The following GHR variants were observed in gnomAD, a reference collection of about 807,000 sequenced individuals.
GHR encodes growth hormone receptor, also known as GH receptor.
Under a neutral mutation model 67.1 loss-of-function variants are expected in GHR, and 35 were observed. The observed-to-expected ratio is 0.52, with a 90% CI of 0.40 to 0.69. GHR has a LOEUF of 0.69. Ranked by LOEUF, GHR falls within the 30% of genes least tolerant of loss-of-function variation. The probability of loss-of-function intolerance (pLI) is 0.00; values close to 1 mark genes in which losing one functional copy is unlikely to be tolerated. For missense variants in GHR, 792 were observed against 764.6 expected, an observed-to-expected ratio of 1.04 and a Z score of -0.42; for synonymous variants, 272 against 269.1, an observed-to-expected ratio of 1.01 and a Z score of -0.10.
intron 2 of GHR, among the ~76,000 whole-genome samples, chr5:42,626,536 C>A (rs906680584): frequency 6.6e-6 from 1 of 152,148 alleles, no homozygotes; most frequent in African/African-American, 2.4e-5. Flanking sequence ...AAGACATTGG[C>A]CACTGGTGAT....
chr5:42,634,498 T>G (rs1349115755), intron 3 of GHR, among the ~76,000 whole-genome samples: 1 of 150,084 alleles, frequency 6.7e-6, no homozygotes, highest in Admixed American at 6.6e-5. Flanking sequence ...TGCTGAGTAT[T>G]TCACGGATGG....
intron 8 of GHR, among the ~76,000 whole-genome samples, chr5:42,715,639 C>T (rs1374017885): frequency 6.6e-6 from 1 of 152,106 alleles, no homozygotes; most frequent in Non-Finnish European, 1.5e-5. Context: ...ATAGAATTTC[C>T]AAACCAGTAG....
chr5:42,579,620 G>A lies in GHR; in HGVS notation c.70+13676G>A, dbSNP rs137856878. Among the ~76,000 whole-genome samples, 307 of 152,314 alleles carry A rather than the reference G, an allele frequency of 2.0e-3. 2 individuals carry two copies. The highest frequency in any genetic ancestry group is 2.7e-3 in the Non-Finnish European group (182 of 68,016). On this transcript the variant is annotated intron_variant, in intron 2 of 9. Coordinates refer to ENST00000230882, the MANE Select transcript of GHR (RefSeq NM_000163.5). ...CATGAATGCATGGTCATATTTGAGT[G>A]CTTCTAACAAATGCTTCCTTTCATT...
At chr5:42,632,385 T>C (rs1410626560) in intron 3 of GHR, among the ~76,000 whole-genome samples, 5 of 152,166 alleles carry the variant, frequency 3.3e-5, no homozygotes, top group Non-Finnish European at 7.3e-5. Context: ...GGTCATGATA[T>C]TTCAGTAGCT....
chr5:42,719,539 A>C lies in GHR; in HGVS notation c.*115A>C. On this transcript the variant is annotated 3_prime_UTR_variant, in exon 10 of 10. Transcript: ENST00000230882. ...TTTTGGGGGAGTGACAGGATGGGGT[A>C]TGGATTCTAAAATGCCTTTTCCCAA... 1.0e-6 allele frequency: 1 copy of C among 978,218 alleles called. No homozygotes were observed. The highest frequency in any genetic ancestry group is 1.3e-5 in the South Asian group (1 of 77,546). The allele number at this position is 978,218 out of a possible 1,614,324, so 60.6% of individuals were successfully genotyped here. A position where few individuals can be genotyped will look rare whatever the true frequency, so the allele number is the denominator to read the frequency against.
chr5:42,682,178 C>G (rs1171256884), intron 3 of GHR, among the ~76,000 whole-genome samples: 1 of 152,126 alleles, frequency 6.6e-6, no homozygotes, highest in Admixed American at 6.5e-5. Context: ...AGCAGAAAAC[C>G]AAACACCACA....
At chr5:42,433,937 A>T (rs1743211885) in intron 1 of GHR, among the ~76,000 whole-genome samples, 1 of 151,956 alleles carries the variant, frequency 6.6e-6, no homozygotes, top group Non-Finnish European at 1.5e-5. Flanking sequence ...ATATAGGCTC[A>T]TCCCTTGGGT....
intron 1 of GHR, among the ~76,000 whole-genome samples, chr5:42,498,877 A>G (rs1312957178): frequency 3.3e-5 from 5 of 152,238 alleles, no homozygotes; most frequent in African/African-American, 1.2e-4. Flanking sequence ...GGCAACTTAT[A>G]GTCTCTGTTT....
chr5:42,508,792 T>G (rs1746886367), intron 1 of GHR, among the ~76,000 whole-genome samples: 1 of 152,210 alleles, frequency 6.6e-6, no homozygotes, highest in Non-Finnish European at 1.5e-5. Context: ...GCCAGGATGG[T>G]CTTGATCTCC....
intron 1 of GHR, among the ~76,000 whole-genome samples, chr5:42,505,122 G>GTTTTTTTTTT (rs35690685): frequency 1.5e-5 from 2 of 134,878 alleles, no homozygotes; most frequent in Admixed American, 7.4e-5. Context: ...GCTGTTGACT[G>GTTTTTTTTTT]TTTTTTTTTT....
At chr5:42,475,349 T>C (rs945017490) in intron 1 of GHR, among the ~76,000 whole-genome samples, 6 of 152,110 alleles carry the variant, frequency 3.9e-5, no homozygotes, top group African/African-American at 1.2e-4. Context: ...TGTGAAACTA[T>C]AGGAGTTGAA....
intron 1 of GHR, among the ~76,000 whole-genome samples, chr5:42,513,718 G>A (rs1030135851): frequency 1.3e-5 from 2 of 151,868 alleles, no homozygotes; most frequent in Non-Finnish European, 2.9e-5. Flanking sequence ...GGAGGCGGAG[G>A]TTGTGGTGAG....
intron 1 of GHR, among the ~76,000 whole-genome samples, chr5:42,490,451 C>G (rs769910165): frequency 5.3e-5 from 8 of 152,210 alleles, no homozygotes; most frequent in Non-Finnish European, 1.2e-4. Flanking sequence ...TGGCATATGC[C>G]TCTTTGCTGT....
intron 1 of GHR, among the ~76,000 whole-genome samples, chr5:42,478,155 T>G (rs377333216): frequency 9.2e-5 from 14 of 152,126 alleles, no homozygotes; most frequent in Admixed American, 2.0e-4. Flanking sequence ...TTTCCCCATT[T>G]CTTGTTTTTG....
At chr5:42,589,309 A>T (rs1751655894) in intron 2 of GHR, among the ~76,000 whole-genome samples, 2 of 152,220 alleles carry the variant, frequency 1.3e-5, no homozygotes, top group African/African-American at 4.8e-5. Context: ...CTGATACTGA[A>T]CATTTGAACT....
chr5:42,465,594 T>C lies in GHR; in HGVS notation c.-12+41639T>C, dbSNP rs185678345. 9,156 of 1,192,926 alleles carry C rather than the reference T, an allele frequency of 7.7e-3. 54 individuals carry two copies. Among genetic ancestry groups the C allele is most frequent in the Admixed American group, 0.011 (666 of 58,950 alleles). The allele number at this position is 1,192,926 out of a possible 1,614,324, so 73.9% of individuals were successfully genotyped here. On this transcript the variant is annotated intron_variant, in intron 1 of 9. Coordinates refer to ENST00000230882, the MANE Select transcript of GHR (RefSeq NM_000163.5). The stretch of plus-strand genomic sequence containing the variant: ...TCACTGCAATTATAAGATATTTGTT[T>C]CTGAATGTATTTGGGGGACTCTGTT...
At chr5:42,636,415 A>G (rs541377025) in intron 3 of GHR, among the ~76,000 whole-genome samples, 2 of 152,316 alleles carry the variant, frequency 1.3e-5, no homozygotes, top group African/African-American at 2.4e-5. Context: ...AACACTTTTT[A>G]GTAACTCTTG....
Position 42,478,397 on chromosome 5 carries a change from G to A in GHR, c.-12+54442G>A, listed in dbSNP as rs532531045. On this transcript the variant is annotated intron_variant, in intron 1 of 9. Coordinates refer to ENST00000230882, the MANE Select transcript of GHR (RefSeq NM_000163.5). Reference sequence around the variant, plus strand: ...TTTTTGGTTCCATATGAACTTTAAAGTAGTTTTTTCCAATTCTGTGAAGAA... The same window carrying A: ...TTTTTGGTTCCATATGAACTTTAAAATAGTTTTTTCCAATTCTGTGAAGAA... Among the ~76,000 whole-genome samples, 280 of 152,242 alleles carry A rather than the reference G, an allele frequency of 1.8e-3. 1 individual carries two copies. Among genetic ancestry groups the A allele is most frequent in the Middle Eastern group, 3.4e-3 (1 of 294 alleles).
At chr5:42,505,484 T>A (rs188768091) in intron 1 of GHR, among the ~76,000 whole-genome samples, 1 of 151,986 alleles carries the variant, frequency 6.6e-6, no homozygotes, top group Admixed American at 6.5e-5. Flanking sequence ...ATATCTGTGC[T>A]TGTGAAATTA....
Sources: gnomAD v4.1 joint callset for allele counts (sites outside exome capture counted in the v4.1 genomes callset) on GRCh38, gnomAD v4.1.1 for gene constraint, MANE v1.5 for transcripts, NCBI Gene and HGNC (gene_info 2026-07-23, HGNC 2026-07-21) for gene names.